KHDRBS2: variants seen among roughly 807,000 people sequenced by gnomAD.
KHDRBS2 encodes the protein KH RNA binding domain containing, signal transduction associated 2.
In KHDRBS2, 26 loss-of-function variants were observed where a neutral mutation model predicts 44.3. That is an observed-to-expected ratio of 0.59 (90% CI 0.43 to 0.81). The LOEUF (loss-of-function observed/expected upper bound fraction) is 0.81. Ranked by LOEUF, KHDRBS2 falls within the 40% of genes least tolerant of loss-of-function variation. KHDRBS2 has a pLI of 0.00. For synonymous variants in KHDRBS2, 194 were observed against 151.1 expected (o/e 1.28, Z -2.08); for missense variants, 476 against 433.1 (o/e 1.10, Z -0.88).
chr6:62,178,006 C>T (rs1243120114), intron 1 of KHDRBS2, among the ~76,000 whole-genome samples: 2 of 151,254 alleles, frequency 1.3e-5, no homozygotes, highest in African/African-American at 2.4e-5. Flanking sequence ...CTACTAGGTA[C>T]CAGAAATACA....
chr6:61,942,357 T>A (rs1165465181), intron 4 of KHDRBS2, among the ~76,000 whole-genome samples: 2 of 151,722 alleles, frequency 1.3e-5, no homozygotes, highest in Non-Finnish European at 2.9e-5. Flanking sequence ...TAGATATGAA[T>A]GAGAAATTTA....
chr6:62,161,235 T>A (rs936259481), intron 2 of KHDRBS2, among the ~76,000 whole-genome samples: 50 of 152,154 alleles, frequency 3.3e-4, no homozygotes, highest in African/African-American at 1.1e-3. Context: ...AAATCTATTC[T>A]GTCAATCGCT....
At chr6:62,056,411 G>A (rs1016076251) in intron 2 of KHDRBS2, among the ~76,000 whole-genome samples, 3 of 151,748 alleles carry the variant, frequency 2.0e-5, no homozygotes, top group African/African-American at 7.3e-5. Context: ...AAATAACAGG[G>A]ATAATAATAA....
In KHDRBS2 at chr6:62,090,141, C is replaced by A. The variant is rs370751543; in HGVS notation, c.220-42147G>T. Among the ~76,000 whole-genome samples, 583 of 152,130 alleles carry A rather than the reference C, an allele frequency of 3.8e-3. 1 individual carries two copies. Among genetic ancestry groups the A allele is most frequent in the African/African-American group, 0.014 (564 of 41,524 alleles). ...AGAACAAAGATAATAACAAAAACAA[C>A]AGAAACAAAAAAATTATTTCAAAAA... On this transcript the variant is annotated intron_variant, in intron 2 of 8. Transcript: ENST00000281156.
intron 6 of KHDRBS2, among the ~76,000 whole-genome samples, chr6:61,832,098 C>A (rs1169953376): frequency 2.0e-5 from 3 of 151,968 alleles, no homozygotes; most frequent in Non-Finnish European, 2.9e-5. Context: ...GCCAAGTGTG[C>A]TGGCACACAT....
chr6:61,987,771 G>C (rs1775332184), intron 3 of KHDRBS2, among the ~76,000 whole-genome samples: 1 of 152,188 alleles, frequency 6.6e-6, no homozygotes. Flanking sequence ...ATAAGTGCAT[G>C]ATAGAGAAGC....
the KHDRBS2 span, among the ~76,000 whole-genome samples, chr6:61,576,934 C>G: frequency 6.6e-6 from 1 of 152,116 alleles, no homozygotes; most frequent in East Asian, 1.9e-4. Flanking sequence ...CTCAGGATCA[C>G]TGTACATTGT....
the KHDRBS2 span, among the ~76,000 whole-genome samples, chr6:61,651,737 T>C: frequency 6.6e-6 from 1 of 152,118 alleles, no homozygotes. Context: ...CTTACTCCTG[T>C]AATTATGTTC....
intron 3 of KHDRBS2, among the ~76,000 whole-genome samples, chr6:61,989,771 T>C (rs368746935): frequency 6.6e-6 from 1 of 152,222 alleles, no homozygotes; most frequent in Non-Finnish European, 1.5e-5. Context: ...CTGTTGATAC[T>C]CTGCTCATAT....
At chr6:61,716,790 C>T (rs1489150347) in intron 7 of KHDRBS2, among the ~76,000 whole-genome samples, 3 of 151,960 alleles carry the variant, frequency 2.0e-5, no homozygotes, top group Admixed American at 6.6e-5. Context: ...ACCAGTGAAA[C>T]CAGAATTTCA....
At chr6:62,058,939 T>G (rs1272053178) in intron 2 of KHDRBS2, among the ~76,000 whole-genome samples, 3 of 151,726 alleles carry the variant, frequency 2.0e-5, no homozygotes, top group African/African-American at 4.8e-5. Context: ...TATGTAAAAT[T>G]CATATAAAAT....
intron 2 of KHDRBS2, among the ~76,000 whole-genome samples, chr6:62,089,163 G>A (rs534085908): frequency 5.3e-5 from 8 of 152,046 alleles, no homozygotes; most frequent in Admixed American, 5.2e-4. Flanking sequence ...AGGCTCTGTG[G>A]GGGTGGGATC....
chr6:61,754,494 T>G (rs1478539621), intron 6 of KHDRBS2, among the ~76,000 whole-genome samples: 1 of 152,060 alleles, frequency 6.6e-6, no homozygotes, highest in Non-Finnish European at 1.5e-5. Flanking sequence ...ACAACAAATC[T>G]GTCACACAGA....
chr6:61,743,982 G>A (rs1447793243), intron 6 of KHDRBS2, among the ~76,000 whole-genome samples: 1 of 151,910 alleles, frequency 6.6e-6, no homozygotes, highest in Non-Finnish European at 1.5e-5. Flanking sequence ...TGGCTGCATA[G>A]TATTCCATGG....
chr6:62,122,788 T>A lies in KHDRBS2; in HGVS notation c.219+54397A>T, dbSNP rs2150083881. On this transcript the variant is annotated intron_variant, in intron 2 of 8. Coordinates refer to ENST00000281156, the MANE Select transcript of KHDRBS2 (RefSeq NM_152688.4). Reference sequence around the variant, plus strand: ...CCACTCAGGTGAGTGGAGGCCAGTTTTAAACAAGGCCAGTTTCATAAACAT... The same window carrying A: ...CCACTCAGGTGAGTGGAGGCCAGTTATAAACAAGGCCAGTTTCATAAACAT... Among the ~76,000 whole-genome samples the A allele has an allele frequency of 2.3e-5, 3 of 128,494 alleles. 1 individual carries two copies. The highest frequency in any genetic ancestry group is 2.5e-4 in the South Asian group (1 of 4,022). 84.3% of individuals were successfully genotyped at this position (128,494 alleles called of 152,430 possible). A position where few individuals can be genotyped will look rare whatever the true frequency, so the allele number is the denominator to read the frequency against.
chr6:61,614,595 G>T, the KHDRBS2 span, among the ~76,000 whole-genome samples: 2 of 151,952 alleles, frequency 1.3e-5, no homozygotes, highest in Non-Finnish European at 2.9e-5. Flanking sequence ...TGACATTCTG[G>T]TCTACATCCA....
chr6:61,755,113 C>T (rs533363427), intron 6 of KHDRBS2, among the ~76,000 whole-genome samples: 21 of 151,968 alleles, frequency 1.4e-4, no homozygotes, highest in South Asian at 6.2e-4. Flanking sequence ...TGACATGTAT[C>T]GGTTTATGTT....
At chr6:61,946,225 C>T (rs1231951765) in intron 4 of KHDRBS2, among the ~76,000 whole-genome samples, 1 of 152,206 alleles carries the variant, frequency 6.6e-6, no homozygotes, top group South Asian at 2.1e-4. Flanking sequence ...CCTCTTATTA[C>T]TTCTTAGGTC....
chr6:61,563,692 T>C, the KHDRBS2 span, among the ~76,000 whole-genome samples: 4 of 152,084 alleles, frequency 2.6e-5, 1 homozygote, highest in Admixed American at 2.6e-4. Flanking sequence ...TTTTTATCAG[T>C]CCTGTAGTTG....
Sources: gnomAD v4.1 joint callset for allele counts (sites outside exome capture counted in the v4.1 genomes callset) on GRCh38, gnomAD v4.1.1 for gene constraint, MANE v1.5 for transcripts, NCBI Gene and HGNC (gene_info 2026-07-23, HGNC 2026-07-21) for gene names.